FAT3: variants seen among roughly 807,000 people sequenced by gnomAD.
The protein encoded by FAT3 is FAT atypical cadherin 3.
Under a neutral mutation model 310.2 loss-of-function variants are expected in FAT3, and 95 were observed. The observed-to-expected ratio is 0.31, with a 90% CI of 0.26 to 0.36. FAT3 has a LOEUF of 0.36. FAT3 is among the 10% of genes least tolerant of loss of function. FAT3 has a pLI of 1.00. For synonymous variants in FAT3, 2,314 were observed against 2,192.9 expected, an observed-to-expected ratio of 1.06 and a Z score of -1.54; for missense variants, 5,408 against 5,715.6, an observed-to-expected ratio of 0.95 and a Z score of 1.74.
At chr11:92,699,303 G>A (rs1260844915) in intron 4 of FAT3, among the ~76,000 whole-genome samples, 1 of 152,156 alleles carries the variant, frequency 6.6e-6, no homozygotes, top group South Asian at 2.1e-4. Flanking sequence ...AGGGTGACTA[G>A]AGTTTATAAT....
chr11:92,491,551 G>A (rs1439400815), intron 2 of FAT3, among the ~76,000 whole-genome samples: 1 of 152,010 alleles, frequency 6.6e-6, no homozygotes, highest in Non-Finnish European at 1.5e-5. Flanking sequence ...CAAAGAGTAT[G>A]GCATTTGAAA....
intron 3 of FAT3, among the ~76,000 whole-genome samples, chr11:92,539,945 G>A (rs1954385422): frequency 6.6e-6 from 1 of 152,152 alleles, no homozygotes; most frequent in South Asian, 2.1e-4. Context: ...CACATGCTTG[G>A]TGTCCTTCTG....
At chr11:92,373,982 A>G (rs1365779575) in intron 2 of FAT3, among the ~76,000 whole-genome samples, 2 of 151,536 alleles carry the variant, frequency 1.3e-5, no homozygotes, top group Non-Finnish European at 2.9e-5. Context: ...AGGGGAGACT[A>G]TGGTATAACT....
At chr11:92,463,850 C>G (rs1015837524) in intron 2 of FAT3, among the ~76,000 whole-genome samples, 1 of 152,146 alleles carries the variant, frequency 6.6e-6, no homozygotes, top group Non-Finnish European at 1.5e-5. Flanking sequence ...CCCTTTCTGT[C>G]GGTGTGACAT....
chr11:92,708,950 A>G (rs572840665), intron 4 of FAT3, among the ~76,000 whole-genome samples: 4 of 152,354 alleles, frequency 2.6e-5, no homozygotes, highest in African/African-American at 9.6e-5. Flanking sequence ...AGGTCATTAG[A>G]TCTCTACTAT....
intron 2 of FAT3, among the ~76,000 whole-genome samples, chr11:92,443,326 C>T (rs1343824751): frequency 1.3e-5 from 2 of 152,222 alleles, no homozygotes; most frequent in Non-Finnish European, 2.9e-5. Context: ...CAAGCGCACA[C>T]TGTACTGTAT....
chr11:92,423,998 C>G (rs1299727899), intron 2 of FAT3, among the ~76,000 whole-genome samples: 1 of 152,150 alleles, frequency 6.6e-6, no homozygotes, highest in East Asian at 1.9e-4. Context: ...GCCAAATTGT[C>G]ATATAAAATT....
At chr11:92,667,229 C>T (rs1398819298) in intron 3 of FAT3, among the ~76,000 whole-genome samples, 1 of 152,170 alleles carries the variant, frequency 6.6e-6, no homozygotes, top group South Asian at 2.1e-4. Context: ...AACTGTCCAC[C>T]ATTTAAAACA....
At chr11:92,422,209 C>T (rs1251027313) in intron 2 of FAT3, among the ~76,000 whole-genome samples, 2 of 152,094 alleles carry the variant, frequency 1.3e-5, no homozygotes, top group African/African-American at 2.4e-5. Context: ...GACAAGTTTG[C>T]TTTCTTTATT....
At chr11:92,795,291 T>C (rs981779703) in intron 9 of FAT3, among the ~76,000 whole-genome samples, 1 of 152,082 alleles carries the variant, frequency 6.6e-6, no homozygotes, top group East Asian at 1.9e-4. Context: ...TTACCTCTCC[T>C]CTCAATCATT....
At chr11:92,615,918 A>T (rs1940781484) in intron 3 of FAT3, among the ~76,000 whole-genome samples, 1 of 152,202 alleles carries the variant, frequency 6.6e-6, no homozygotes, top group African/African-American at 2.4e-5. Flanking sequence ...ATTTTGGAAT[A>T]AGTGTGATGT....
chr11:92,377,674 T>C lies in FAT3; in HGVS notation c.3292+22270T>C, dbSNP rs571252585. Reference sequence around the variant, plus strand: ...CCTCTCATTCCTTATTTCTGCCTGATTGTAGGCTCCTTGAAGGCAGGATTT... The same window carrying C: ...CCTCTCATTCCTTATTTCTGCCTGACTGTAGGCTCCTTGAAGGCAGGATTT... On this transcript the variant is annotated intron_variant, in intron 2 of 27. Coordinates refer to ENST00000525166, the MANE Select transcript of FAT3 (RefSeq NM_001367949.2). Among the ~76,000 whole-genome samples, 13 of 152,312 alleles carry C rather than the reference T, an allele frequency of 8.5e-5. 1 individual carries two copies. The South Asian group carries it at 2.3e-3, about 27-fold the overall frequency.
chr11:92,647,033 T>C (rs1233486322), intron 3 of FAT3, among the ~76,000 whole-genome samples: 3 of 152,176 alleles, frequency 2.0e-5, no homozygotes, highest in Non-Finnish European at 4.4e-5. Flanking sequence ...ACAATTCCTA[T>C]TTTCTTTTAC....
In FAT3 at chr11:92,321,436, C is replaced by T. The variant is rs1334133920; in HGVS notation, c.-17-30660C>T. 2.5e-5 allele frequency among the ~76,000 whole-genome samples: 3 copies of T among 122,412 alleles called. No homozygotes were observed. In the East Asian group the frequency reaches 7.3e-4, roughly 30 times the overall value. 80.3% of individuals were successfully genotyped at this position (122,412 alleles called of 152,430 possible). A position where few individuals can be genotyped will look rare whatever the true frequency, so the allele number is the denominator to read the frequency against. On this transcript the variant is annotated intron_variant, in intron 1 of 27. Transcript: ENST00000525166. ...TGAGCAACAGGGCGAGACTCCGTCT[C>T]AAAAAAAAAAAAAAATTCTTGGTTG...
chr11:92,430,710 T>C (rs1322052058), intron 2 of FAT3, among the ~76,000 whole-genome samples: 1 of 152,050 alleles, frequency 6.6e-6, no homozygotes, highest in Non-Finnish European at 1.5e-5. Flanking sequence ...CTTTCCTGTG[T>C]CCATGTTTTC....
intron 2 of FAT3, among the ~76,000 whole-genome samples, chr11:92,420,481 A>G (rs944227393): frequency 6.6e-6 from 1 of 152,144 alleles, no homozygotes; most frequent in Non-Finnish European, 1.5e-5. Context: ...CTCCCACTCA[A>G]CTTAGTATCG....
chr11:92,778,781 T>C (rs1361109773), intron 7 of FAT3, among the ~76,000 whole-genome samples: 1 of 152,018 alleles, frequency 6.6e-6, no homozygotes, highest in Non-Finnish European at 1.5e-5. Context: ...TGCACACACC[T>C]GGGGGGATCA....
chr11:92,548,978 G>T (rs1954709913), intron 3 of FAT3, among the ~76,000 whole-genome samples: 1 of 152,118 alleles, frequency 6.6e-6, no homozygotes, highest in African/African-American at 2.4e-5. Context: ...CTCTTATTTA[G>T]TATATTAAGT....
intron 2 of FAT3, among the ~76,000 whole-genome samples, chr11:92,371,786 G>A (rs1455574299): frequency 6.6e-6 from 1 of 152,164 alleles, no homozygotes; most frequent in Non-Finnish European, 1.5e-5. Flanking sequence ...TTCCCATGCA[G>A]CATAATAGCT....
Sources: gnomAD v4.1 joint callset for allele counts (sites outside exome capture counted in the v4.1 genomes callset) on GRCh38, gnomAD v4.1.1 for gene constraint, MANE v1.5 for transcripts, NCBI Gene and HGNC (gene_info 2026-07-23, HGNC 2026-07-21) for gene names.